RBL2: variants seen among roughly 807,000 people sequenced by gnomAD.
The protein encoded by RBL2 is retinoblastoma-like protein 2.
RBL2 carries 56 observed loss-of-function variants against 126.0 expected under a neutral mutation model. That is an observed-to-expected ratio of 0.44 (90% CI 0.36 to 0.56). The LOEUF (loss-of-function observed/expected upper bound fraction) is 0.56, where lower values mean the gene tolerates loss of function less well. RBL2 is among the 20% of genes least tolerant of loss of function. RBL2 has a pLI of 0.00. For synonymous variants in RBL2, 454 were observed against 478.5 expected, an observed-to-expected ratio of 0.95 and a Z score of 0.67; for missense variants, 1,229 against 1,398.2, an observed-to-expected ratio of 0.88 and a Z score of 1.93.
At chr16:53,435,712 G>A (rs1242586712) in intron 1 of RBL2, 1 of 1,288,954 alleles carries the variant, frequency 7.8e-7, no homozygotes, top group Non-Finnish European at 1.0e-6. Flanking sequence ...AAAGAGTCGG[G>A]CAAATAGGTC....
intron 20 of RBL2, chr16:53,481,308 G>A (rs970842619): frequency 4.6e-6 from 1 of 215,262 alleles, no homozygotes. Flanking sequence ...ACAAGAGACA[G>A]GCTACATGGG....
intron 8 of RBL2, among the ~76,000 whole-genome samples, chr16:53,456,607 GC>G (rs1567733520): frequency 6.6e-6 from 1 of 152,290 alleles, no homozygotes; most frequent in East Asian, 1.9e-4. Flanking sequence ...AAGTTATCTG[GC>G]CCTGGCTCTC....
In RBL2 at chr16:53,481,983, G is replaced by C. The variant is rs1203111424; in HGVS notation, c.3249+148G>C. ...TCAGTCCTCATGAAGCAAAACCCAG[G>C]GTTTGTTTTGTTTTTTGCCTTTTTT... On this transcript the variant is annotated intron_variant, in intron 21 of 21. Coordinates refer to ENST00000262133, the MANE Select transcript of RBL2 (RefSeq NM_005611.4). 7 of 964,404 alleles carry C rather than the reference G, an allele frequency of 7.3e-6. No homozygotes were observed. The East Asian group carries it at 1.3e-4, about 19-fold the overall frequency. The allele number at this position is 964,404 out of a possible 1,614,324, so 59.7% of individuals were successfully genotyped here. A position where few individuals can be genotyped will look rare whatever the true frequency, so the allele number is the denominator to read the frequency against.
At chr16:53,467,231 T>A in intron 14 of RBL2, 62 bp downstream of exon 14, 1 of 1,358,324 alleles carries the variant, frequency 7.4e-7, no homozygotes. Context: ...AAATTTCATC[T>A]AACCCTACAA....
chr16:53,450,160 T>C (rs1281146175), intron 4 of RBL2, among the ~76,000 whole-genome samples: 1 of 152,184 alleles, frequency 6.6e-6, no homozygotes, highest in Non-Finnish European at 1.5e-5. Context: ...CAATGCACAG[T>C]TTAATGTGTT....
rs770657237 is a variant in RBL2, at chr16:53,463,561, CTTTTTTT to C, written c.1561-647_1561-641del. Among the ~76,000 whole-genome samples, 740 of 94,382 alleles carry C rather than the reference CTTTTTTT, an allele frequency of 7.8e-3. 6 individuals carry two copies. Among genetic ancestry groups the C allele is most frequent in the Middle Eastern group, 0.068 (6 of 88 alleles). The allele number at this position is 94,382 out of a possible 152,430, so 61.9% of individuals were successfully genotyped here. Reference sequence around the variant, plus strand: ...TGGCCCCTTTCAATATTTTTTTTTCCTTTTTTTTTTTTTTTTTTTTTTTTGAGCCAGA... The same window carrying C: ...TGGCCCCTTTCAATATTTTTTTTTCCTTTTTTTTTTTTTTTTTGAGCCAGA... On this transcript the variant is annotated intron_variant, in intron 11 of 21. Coordinates refer to ENST00000262133, the MANE Select transcript of RBL2 (RefSeq NM_005611.4).
intron 9 of RBL2, among the ~76,000 whole-genome samples, chr16:53,460,921 A>G (rs1345639761): frequency 1.3e-5 from 2 of 152,212 alleles, no homozygotes; most frequent in African/African-American, 4.8e-5. Context: ...GATTGAACAT[A>G]TATTGCTTTC....
chr16:53,479,123 T>C (rs765284233), intron 17 of RBL2, 31 bp from the exon 18 acceptor site: 1 of 1,564,122 alleles, frequency 6.4e-7, no homozygotes, highest in South Asian at 1.1e-5. Context: ...GTAGTTGCCA[T>C]GTCTCTCAGA....
At chr16:53,477,433 G>A (rs1157664078) in intron 17 of RBL2, among the ~76,000 whole-genome samples, 2 of 152,126 alleles carry the variant, frequency 1.3e-5, no homozygotes, top group Non-Finnish European at 2.9e-5. Context: ...TGCCTCCCGG[G>A]CTCAAATGAT....
Position 53,451,895 on chromosome 16 carries a change from T to G in RBL2, c.766+64T>G. On this transcript the variant is annotated intron_variant, in intron 5 of 21. Transcript: ENST00000262133. ...TTCTGTGTTATGTTTACCCTTGGAG[T>G]TGTACAGGTTTCCTAGCATCAGTAT... The G allele has an allele frequency of 2.6e-6, 4 of 1,555,644 alleles. No individual in the cohort carries two copies. The South Asian group carries it at 3.4e-5, about 13-fold the overall frequency.
At chr16:53,473,596 T>G (rs1431466484) in intron 17 of RBL2, among the ~76,000 whole-genome samples, 1 of 151,914 alleles carries the variant, frequency 6.6e-6, no homozygotes, top group East Asian at 1.9e-4. Flanking sequence ...TCATGTAATC[T>G]GCTTATAATT....
At chr16:53,477,518 T>C (rs1329568668) in intron 17 of RBL2, among the ~76,000 whole-genome samples, 2 of 151,880 alleles carry the variant, frequency 1.3e-5, no homozygotes, top group Non-Finnish European at 2.9e-5. Context: ...CTGATTTTTG[T>C]ATTTTTTTGT....
chr16:53,444,981 T>G (rs2058048647), intron 3 of RBL2, among the ~76,000 whole-genome samples: 1 of 152,216 alleles, frequency 6.6e-6, no homozygotes, highest in Non-Finnish European at 1.5e-5. Context: ...AATTTCAGAT[T>G]GCACTTGTTT....
chr16:53,469,360 C>G lies in RBL2; in HGVS notation c.1976-556C>G, dbSNP rs996725526. ...TTAACTGAATCCAAATCATGCATGT[C>G]CACCTTGCTTAAGAACATTATTGAG... On this transcript the variant is annotated intron_variant, in intron 14 of 21. Coordinates refer to ENST00000262133, the MANE Select transcript of RBL2 (RefSeq NM_005611.4). 2.0e-5 allele frequency among the ~76,000 whole-genome samples: 3 copies of G among 152,244 alleles called. No individual in the cohort carries two copies. In the South Asian group the frequency reaches 6.2e-4, roughly 32 times the overall value.
chr16:53,464,554 G>T, intron 12 of RBL2, 191 bp downstream of exon 12: 1 of 458,008 alleles, frequency 2.2e-6, no homozygotes, highest in Non-Finnish European at 3.6e-6. Context: ...TTGTATGAAA[G>T]ATCTATTTTG....
chr16:53,477,305 C>T (rs1319462727), intron 17 of RBL2, among the ~76,000 whole-genome samples: 2 of 152,118 alleles, frequency 1.3e-5, no homozygotes, highest in Non-Finnish European at 2.9e-5. Flanking sequence ...AAAACTTTTG[C>T]TCTAGTAACC....
At chr16:53,475,292 T>G (rs1013239499) in intron 17 of RBL2, among the ~76,000 whole-genome samples, 2 of 152,364 alleles carry the variant, frequency 1.3e-5, no homozygotes, top group Middle Eastern at 3.4e-3. Context: ...CTTGGCTTAC[T>G]GAAACCTTAG....
chr16:53,489,471 A>G (rs949258768), intron 21 of RBL2: 26 of 151,806 alleles, frequency 1.7e-4, no homozygotes, highest in African/African-American at 6.0e-4. Flanking sequence ...CTTTGGAGAA[A>G]CTGAATGCTA....
At chr16:53,475,934 T>C (rs1960713914) in intron 17 of RBL2, among the ~76,000 whole-genome samples, 1 of 145,064 alleles carries the variant, frequency 6.9e-6, no homozygotes, top group South Asian at 2.2e-4. Flanking sequence ...AGGGCTTAAG[T>C]GATCCTCTTC....
Sources: allele counts gnomAD v4.1 joint callset (sites outside exome capture counted in the v4.1 genomes callset), GRCh38; gene constraint gnomAD v4.1.1; transcripts MANE v1.5; gene names NCBI Gene and HGNC (gene_info 2026-07-23, HGNC 2026-07-21).